CHRM2: variants seen among roughly 807,000 people sequenced by gnomAD.
CHRM2 encodes the protein cholinergic receptor muscarinic 2, also known as muscarinic acetylcholine receptor M2.
CHRM2 carries 8 observed loss-of-function variants against 25.0 expected under a neutral mutation model. The observed-to-expected ratio is 0.32, with a 90% CI of 0.19 to 0.58. CHRM2 has a LOEUF of 0.58. Among genes scored for constraint, CHRM2 ranks in the 20% least tolerant of loss-of-function variants. The pLI is 0.88. For missense variants in CHRM2, 440 were observed against 567.1 expected, an observed-to-expected ratio of 0.78 and a Z score of 2.28; for synonymous variants, 202 against 205.7, an observed-to-expected ratio of 0.98 and a Z score of 0.15.
chr7:136,899,649 T>C (rs1050414233), intron 2 of CHRM2: 2 of 152,042 alleles, frequency 1.3e-5, no homozygotes, highest in Non-Finnish European at 2.9e-5. Context: ...ATTCCACTAC[T>C]CTCTTTAGAA....
chr7:136,946,910 G>A (rs1800103816), intron 2 of CHRM2, among the ~76,000 whole-genome samples: 1 of 152,136 alleles, frequency 6.6e-6, no homozygotes, highest in African/African-American at 2.4e-5. Context: ...CAGCATCTAG[G>A]TCTTCAGTTA....
rs145122049 is a variant in CHRM2, at chr7:136,943,568, C to A, written c.-124-48619C>A. ...TTCCTATTATGCTTGTAACGGTCGCCAAGCTAATATTTTGTTGATCAAAAG... is the reference window on the plus strand; with the variant it reads ...TTCCTATTATGCTTGTAACGGTCGCAAAGCTAATATTTTGTTGATCAAAAG... On this transcript the variant is annotated intron_variant, in intron 2 of 3. Transcript: ENST00000680005. Among the ~76,000 whole-genome samples the A allele has an allele frequency of 6.6e-3, 1,008 of 152,152 alleles. 10 individuals carry two copies. The highest frequency in any genetic ancestry group is 0.022 in the African/African-American group (918 of 41,498).
At chr7:137,013,589 CTT>C (rs1278523387) in intron 3 of CHRM2, among the ~76,000 whole-genome samples, 1 of 151,938 alleles carries the variant, frequency 6.6e-6, no homozygotes, top group Non-Finnish European at 1.5e-5. Context: ...TGTCATATCT[CTT>C]TGATGAATTC....
chr7:136,984,420 G>C (rs528443315), intron 2 of CHRM2, among the ~76,000 whole-genome samples: 3 of 152,146 alleles, frequency 2.0e-5, no homozygotes, highest in Non-Finnish European at 2.9e-5. Context: ...TGGCTCCCTG[G>C]CTTCAGCCCC....
chr7:136,905,200 A>G (rs1797464826), intron 2 of CHRM2, among the ~76,000 whole-genome samples: 1 of 151,772 alleles, frequency 6.6e-6, no homozygotes, highest in Non-Finnish European at 1.5e-5. Context: ...ATGGTCTTAG[A>G]ATGTCTATAT....
At chr7:136,998,292 T>C (rs930794300) in intron 3 of CHRM2, among the ~76,000 whole-genome samples, 1 of 151,220 alleles carries the variant, frequency 6.6e-6, no homozygotes, top group Non-Finnish European at 1.5e-5. Flanking sequence ...GGTGGGAGGA[T>C]TGAAGATAGT....
intron 3 of CHRM2, among the ~76,000 whole-genome samples, chr7:137,010,588 ACATGGCCTGTGCATCATGCTG>A (rs1804738166): frequency 6.6e-6 from 1 of 152,052 alleles, no homozygotes; most frequent in Non-Finnish European, 1.5e-5. Flanking sequence ...GAACGATTCC[ACATGGCCTGTGCATCATGCTG>A]AGAGAAAGAA....
intron 2 of CHRM2, among the ~76,000 whole-genome samples, chr7:136,947,989 A>G: frequency 6.6e-6 from 1 of 152,076 alleles, no homozygotes; most frequent in East Asian, 1.9e-4. Flanking sequence ...TTGGAGGGAG[A>G]GATGACTTCT....
intron 2 of CHRM2, among the ~76,000 whole-genome samples, chr7:136,906,582 CAGGATAT>C (rs1797564948): frequency 6.6e-6 from 1 of 151,452 alleles, no homozygotes; most frequent in Non-Finnish European, 1.5e-5. Flanking sequence ...CCTTATATAG[CAGGATAT>C]ATTTGTAATT....
intron 2 of CHRM2, among the ~76,000 whole-genome samples, chr7:136,962,115 C>T (rs1172980066): frequency 2.0e-5 from 3 of 148,916 alleles, no homozygotes; most frequent in Non-Finnish European, 4.4e-5. Context: ...TAATGACTGT[C>T]AACTGAATAG....
At chr7:136,944,077 CTTTCA>C (rs1304725323) in intron 2 of CHRM2, among the ~76,000 whole-genome samples, 2 of 151,998 alleles carry the variant, frequency 1.3e-5, no homozygotes, top group African/African-American at 4.8e-5. Flanking sequence ...TTCGAGTTGG[CTTTCA>C]TTTCTTTATT....
chr7:137,010,710 C>G (rs972860586), intron 3 of CHRM2, among the ~76,000 whole-genome samples: 3 of 151,920 alleles, frequency 2.0e-5, no homozygotes, highest in Admixed American at 6.6e-5. Context: ...AATATTATAA[C>G]TCTAAAAATT....
chr7:136,916,196 G>T (rs1287494278), intron 2 of CHRM2, among the ~76,000 whole-genome samples: 1 of 151,686 alleles, frequency 6.6e-6, no homozygotes, highest in Non-Finnish European at 1.5e-5. Context: ...TGATATAAGT[G>T]TATCAATTAA....
intron 3 of CHRM2, among the ~76,000 whole-genome samples, chr7:136,995,017 T>C (rs566359503): frequency 7.4e-4 from 113 of 152,124 alleles, no homozygotes; most frequent in Non-Finnish European, 1.4e-3. Flanking sequence ...AGAAGCATAA[T>C]TTTGTATAAG....
intron 2 of CHRM2, among the ~76,000 whole-genome samples, chr7:136,951,986 G>T (rs1315190999): frequency 1.3e-5 from 2 of 152,092 alleles, no homozygotes. Context: ...TCCACAAGCA[G>T]GTTTAGATTA....
chr7:136,921,142 T>A (rs1798405547), intron 2 of CHRM2, among the ~76,000 whole-genome samples: 1 of 152,086 alleles, frequency 6.6e-6, no homozygotes. Context: ...CTCACCCCTG[T>A]CATTTACTAA....
chr7:136,888,664 T>C (rs1796567312), intron 2 of CHRM2, among the ~76,000 whole-genome samples: 1 of 152,068 alleles, frequency 6.6e-6, no homozygotes, highest in African/African-American at 2.4e-5. Flanking sequence ...GGATGATCTA[T>C]TTTATGTCTT....
intron 2 of CHRM2, among the ~76,000 whole-genome samples, chr7:136,913,918 C>T (rs903007110): frequency 4.6e-5 from 7 of 151,920 alleles, no homozygotes; most frequent in African/African-American, 1.4e-4. Context: ...TATATCTATT[C>T]GGATTGACAG....
intron 2 of CHRM2, among the ~76,000 whole-genome samples, chr7:136,952,320 C>T (rs959859654): frequency 6.6e-6 from 1 of 152,250 alleles, no homozygotes; most frequent in South Asian, 2.1e-4. Context: ...CTCTTATTTC[C>T]TCATTTTTCT....
Sources: allele counts gnomAD v4.1 joint callset (sites outside exome capture counted in the v4.1 genomes callset), GRCh38; gene constraint gnomAD v4.1.1; transcripts MANE v1.5; gene names NCBI Gene and HGNC (gene_info 2026-07-23, HGNC 2026-07-21).